LEMD3: variants seen among roughly 807,000 people sequenced by gnomAD.
The protein encoded by LEMD3 is LEM domain containing 3.
LEMD3 carries 33 observed loss-of-function variants against 95.2 expected under a neutral mutation model. That is an observed-to-expected ratio of 0.35 (90% CI 0.26 to 0.46). The LOEUF is 0.46. LEMD3 is among the 20% of genes least tolerant of loss of function. The pLI, the probability that LEMD3 is intolerant of heterozygous loss-of-function variation, is 1.00. For synonymous variants in LEMD3, 525 were observed against 474.6 expected (o/e 1.11, Z -1.38); for missense variants, 1,210 against 1,192.8 (o/e 1.01, Z -0.21).
At chr12:65,226,974 T>A (rs1870466455) in intron 4 of LEMD3, among the ~76,000 whole-genome samples, 1 of 152,164 alleles carries the variant, frequency 6.6e-6, no homozygotes, top group African/African-American at 2.4e-5. Flanking sequence ...TTGACCTAGA[T>A]GAGAACATTA....
Position 65,170,697 on chromosome 12 carries a change from C to T in LEMD3, c.1101C>T (p.Leu367=), listed in dbSNP as rs1386658293. 2.7e-5 allele frequency: 43 copies of T among 1,614,112 alleles called. No homozygotes were observed. The highest frequency in any genetic ancestry group is 3.5e-5 in the Non-Finnish European group (41 of 1,180,050). The change falls in exon 1 of 13, where the codon CTC becomes CTT. Residue 367 remains leucine, a synonymous_variant. Transcript: ENST00000308330. ...TTAACGCTAAGAAACTGACCCCTCT[C>T]CTGCCCCCGCCACTTACTGACATGG... The part of the protein sequence containing the change: ...YRVNAKKLTP[L]LPPPLTDMDS...
At chr12:65,189,954 C>T (rs1020343391) in intron 1 of LEMD3, among the ~76,000 whole-genome samples, 1 of 152,096 alleles carries the variant, frequency 6.6e-6, no homozygotes, top group Admixed American at 6.6e-5. Flanking sequence ...TTTAAAGTTA[C>T]TGGGCCTGCC....
intron 1 of LEMD3, among the ~76,000 whole-genome samples, chr12:65,209,431 T>C (rs1366724104): frequency 6.6e-6 from 1 of 152,164 alleles, no homozygotes; most frequent in Non-Finnish European, 1.5e-5. Context: ...GTTTGGCTAA[T>C]TTATTGTCAT....
intron 4 of LEMD3, among the ~76,000 whole-genome samples, chr12:65,221,924 G>C (rs1415600039): frequency 1.3e-5 from 2 of 151,596 alleles, no homozygotes; most frequent in Admixed American, 6.6e-5. Flanking sequence ...TGTATTGTTA[G>C]TAGAGATGGG....
rs577356582 is a variant in LEMD3 at position 65,210,792 on chromosome 12, C to T, written c.1523-134C>T. The T allele has an allele frequency of 1.4e-5, 11 of 770,808 alleles. 1 individual carries two copies. The highest frequency in any genetic ancestry group is 2.3e-4 in the Middle Eastern group (1 of 4,336). 47.7% of individuals were successfully genotyped at this position (770,808 alleles called of 1,614,324 possible). On this transcript the variant is annotated intron_variant, in intron 1 of 12. Coordinates refer to ENST00000308330, the MANE Select transcript of LEMD3 (RefSeq NM_014319.5). The stretch of plus-strand genomic sequence containing the variant: ...TTACTTCCCTAACCTTTATTATCAC[C>T]AGTTTGTTTACATTTGGTTCACATA...
At chr12:65,200,606 T>C (rs1207143637) in intron 1 of LEMD3, among the ~76,000 whole-genome samples, 1 of 152,186 alleles carries the variant, frequency 6.6e-6, no homozygotes, top group Non-Finnish European at 1.5e-5. Context: ...ATGATGTGGA[T>C]CATCTTTTCT....
intron 4 of LEMD3, among the ~76,000 whole-genome samples, chr12:65,227,766 T>C (rs891079583): frequency 1.2e-4 from 18 of 150,670 alleles, no homozygotes; most frequent in Admixed American, 2.0e-4. Flanking sequence ...TCATCAGCTG[T>C]TGTTAATGTA....
chr12:65,238,598 C>A lies in LEMD3; in HGVS notation c.1775+17C>A. ...TGGAATAAGGTAAAGGATCTGATTT[C>A]CACTTTGACCATTCTGTACTGGGAG... On this transcript the variant is annotated intron_variant, in intron 5 of 12. Coordinates refer to ENST00000308330, the MANE Select transcript of LEMD3 (RefSeq NM_014319.5). 6.2e-7 allele frequency: 1 copy of A among 1,611,586 alleles called. No individual in the cohort carries two copies. The highest frequency in any genetic ancestry group is 8.5e-7 in the Non-Finnish European group (1 of 1,177,804).
chr12:65,244,371 A>G (rs1871032789), intron 10 of LEMD3, among the ~76,000 whole-genome samples: 1 of 151,448 alleles, frequency 6.6e-6, no homozygotes, highest in Admixed American at 6.6e-5. Flanking sequence ...TCTGTTGGGA[A>G]TCTTACCTCA....
At chr12:65,213,558 T>TA (rs1291853978) in intron 2 of LEMD3, among the ~76,000 whole-genome samples, 1 of 152,184 alleles carries the variant, frequency 6.6e-6, no homozygotes, top group African/African-American at 2.4e-5. Context: ...ATAATTCTTG[T>TA]AAAAAACTAT....
chr12:65,221,754 T>C (rs75356172), intron 4 of LEMD3, among the ~76,000 whole-genome samples: 6 of 149,648 alleles, frequency 4.0e-5, no homozygotes, highest in Non-Finnish European at 7.4e-5. Context: ...TTTTTTTTTT[T>C]CCTTGAGACA....
chr12:65,240,400 A>G (rs1870900234), intron 8 of LEMD3, among the ~76,000 whole-genome samples, 162 bp downstream of exon 8: 2 of 152,056 alleles, frequency 1.3e-5, no homozygotes. Flanking sequence ...CTCTCTTTCT[A>G]AATTCTCTTC....
In LEMD3 at chr12:65,170,285, G is replaced by C. The variant is rs1486752506; in HGVS notation, c.689G>C (p.Arg230Thr). ...GGGGAGGGAGAGGACGGTGAGGAGAGGGACCCGGAGACCGAGGAGCCGCTC... is the reference window on the plus strand; with the variant it reads ...GGGGAGGGAGAGGACGGTGAGGAGACGGACCCGGAGACCGAGGAGCCGCTC... ...EEGEGEDGEE[R>T]DPETEEPLWA... The change falls in exon 1 of 13, where the codon AGG becomes ACG. Residue 230 changes from arginine to threonine, a missense_variant. Arg to Thr is a moderately conservative substitution (Grantham distance 71). This residue lies in a region of LEMD3 where 749 missense variants were observed against 622.9 expected (regional missense o/e 1.20). Transcript: ENST00000308330. The C allele has an allele frequency of 1.3e-6, 2 of 1,573,972 alleles. No individual in the cohort carries two copies. Among genetic ancestry groups the C allele is most frequent in the Non-Finnish European group, 1.7e-6 (2 of 1,159,892 alleles).
intron 2 of LEMD3, among the ~76,000 whole-genome samples, chr12:65,213,377 C>A (rs760618035): frequency 1.3e-5 from 2 of 152,068 alleles, no homozygotes; most frequent in Non-Finnish European, 2.9e-5. Flanking sequence ...AGGTGCATAC[C>A]ACCACACCCA....
rs201615997 is a variant in LEMD3, at chr12:65,170,534, G to T, written c.938G>T (p.Gly313Val). ...AGGCTGGAGACTTCAGTTCAGGGAG[G>T]GGGAGGACTCGCGATGAATGACAGG... is the stretch of plus-strand genomic sequence containing the variant. ...GGRLETSVQGGGGLAMNDRAA... is the reference protein window; with the variant it reads ...GGRLETSVQGVGGLAMNDRAA... The change falls in exon 1 of 13, where the codon GGG becomes GTG. Residue 313 changes from glycine (G) to valine (V), a missense_variant. Physicochemically the swap from Gly to Val is moderately radical, Grantham distance 109 (BLOSUM62 -3). This residue lies in a region of LEMD3 where 749 missense variants were observed against 622.9 expected (regional missense o/e 1.20). Coordinates refer to ENST00000308330, the MANE Select transcript of LEMD3 (RefSeq NM_014319.5). 3.1e-4 allele frequency: 508 copies of T among 1,613,990 alleles called. 1 individual carries two copies. The highest frequency in any genetic ancestry group is 4.0e-4 in the Non-Finnish European group (474 of 1,180,026).
chr12:65,223,710 A>T (rs1484199973), intron 4 of LEMD3, among the ~76,000 whole-genome samples: 2 of 151,766 alleles, frequency 1.3e-5, no homozygotes, highest in East Asian at 3.9e-4. Context: ...TTGGGAGTTT[A>T]GTCCATTTAC....
rs868783006 is a variant in LEMD3 at position 65,247,085 on chromosome 12, C to T, written c.*760C>T. ...ACAGAGATATATACATATGGCTGTA[C>T]TTTTGCATAGATCAAACAGCCAAAC... is the stretch of plus-strand genomic sequence containing the variant. On this transcript the variant is annotated 3_prime_UTR_variant, in exon 13 of 13. Transcript: ENST00000308330. 1 of 152,268 alleles carries T rather than the reference C, an allele frequency of 6.6e-6. No individual in the cohort carries two copies. Among genetic ancestry groups the T allele is most frequent in the Admixed American group, 6.6e-5 (1 of 15,248 alleles). The allele number at this position is 152,268 out of a possible 1,614,324, so 9.4% of individuals were successfully genotyped here. A position where few individuals can be genotyped will look rare whatever the true frequency, so the allele number is the denominator to read the frequency against.
intron 1 of LEMD3, among the ~76,000 whole-genome samples, chr12:65,173,247 G>C (rs1868612319): frequency 6.6e-6 from 1 of 152,158 alleles, no homozygotes; most frequent in South Asian, 2.1e-4. Flanking sequence ...CAGAATTATT[G>C]ATAAGCACAA....
intron 1 of LEMD3, among the ~76,000 whole-genome samples, chr12:65,176,412 T>G (rs531674658): frequency 5.9e-5 from 9 of 152,338 alleles, no homozygotes; most frequent in Admixed American, 2.0e-4. Flanking sequence ...TTCTTTATTT[T>G]GTAACTGTGA....
Sources: allele counts gnomAD v4.1 joint callset (sites outside exome capture counted in the v4.1 genomes callset), GRCh38; gene constraint gnomAD v4.1.1; regional missense constraint gnomAD v4.1.1; transcripts MANE v1.5; gene names NCBI Gene and HGNC (gene_info 2026-07-23, HGNC 2026-07-21).